The following DPYS variants were observed in gnomAD, a reference collection of about 807,000 sequenced individuals.
DPYS encodes dihydropyrimidine amidohydrolase.
DPYS carries 39 observed loss-of-function variants against 50.3 expected under a neutral mutation model. The observed-to-expected ratio is 0.78, with a 90% CI of 0.60 to 1.01. The LOEUF is 1.01. Among genes scored for constraint, DPYS ranks in the 50% least tolerant of loss-of-function variants. The probability of loss-of-function intolerance (pLI) is 0.00; values close to 1 mark genes in which losing one functional copy is unlikely to be tolerated. For missense variants in DPYS, 659 were observed against 680.9 expected, an observed-to-expected ratio of 0.97 and a Z score of 0.36; for synonymous variants, 245 against 250.7, an observed-to-expected ratio of 0.98 and a Z score of 0.22.
chr8:104,413,088 A>G (rs1261774898), intron 7 of DPYS, among the ~76,000 whole-genome samples: 1 of 152,208 alleles, frequency 6.6e-6, no homozygotes, highest in Non-Finnish European at 1.5e-5. Context: ...TCTCACACAT[A>G]TATACAAAGA....
intron 4 of DPYS, among the ~76,000 whole-genome samples, chr8:104,442,772 T>C (rs931736509): frequency 6.6e-6 from 1 of 152,230 alleles, no homozygotes; most frequent in Non-Finnish European, 1.5e-5. Context: ...ATCAATTATA[T>C]ACATGCCAAA....
At chr8:104,421,626 T>A (rs74534098) in intron 7 of DPYS, 13,603 of 152,250 alleles carry the variant, frequency 0.089, 810 homozygotes, top group Non-Finnish European at 0.12. Flanking sequence ...AAAGCGAGAC[T>A]CCGTCTCAAA....
In DPYS at chr8:104,429,694, C is replaced by T. The variant is rs746595395; in HGVS notation, c.801G>A (p.Val267=). The change falls in exon 5 of 10, where the codon GTG becomes GTA. Residue 267 remains valine (V), a synonymous_variant. Coordinates refer to ENST00000351513, the MANE Select transcript of DPYS (RefSeq NM_001385.3). The part of the protein sequence containing the change: ...VIADARRDGK[V]VYGEPIAASL... ...TGGCTGCTATGGGTTCACCATAGAC[C>T]ACCTTCCCTGGAAAGATTAAAAGAA... 6.2e-7 allele frequency: 1 copy of T among 1,614,100 alleles called. No individual in the cohort carries two copies. Among genetic ancestry groups the T allele is most frequent in the Non-Finnish European group, 8.5e-7 (1 of 1,180,010 alleles).
chr8:104,424,202 A>G, intron 7 of DPYS, 45 bp downstream of exon 7: 1 of 1,613,856 alleles, frequency 6.2e-7, no homozygotes, highest in Non-Finnish European at 8.5e-7. Flanking sequence ...AAGTTAGTGC[A>G]TTTTCTCCAC....
chr8:104,410,796 C>T (rs1296583496), intron 7 of DPYS, among the ~76,000 whole-genome samples: 1 of 152,166 alleles, frequency 6.6e-6, no homozygotes, highest in Non-Finnish European at 1.5e-5. Flanking sequence ...AACTCCTTCC[C>T]ATCCTGACCC....
chr8:104,409,877 G>A (rs1812116601), intron 7 of DPYS, among the ~76,000 whole-genome samples: 1 of 152,222 alleles, frequency 6.6e-6, no homozygotes, highest in Admixed American at 6.5e-5. Context: ...CCTGCAGCCA[G>A]TACTGGCACA....
At chr8:104,414,306 C>A (rs183388286) in intron 7 of DPYS, among the ~76,000 whole-genome samples, 7 of 152,266 alleles carry the variant, frequency 4.6e-5, no homozygotes, top group African/African-American at 7.2e-5. Flanking sequence ...TGACTCTAAA[C>A]CAGTGTTTCT....
Position 104,466,950 on chromosome 8 carries a change from C to A in DPYS, c.-30G>T. The A allele has an allele frequency of 7.1e-7, 1 of 1,401,088 alleles. No homozygotes were observed. The highest frequency in any genetic ancestry group is 1.5e-5 in the South Asian group (1 of 65,024). The allele number at this position is 1,401,088 out of a possible 1,614,324, so 86.8% of individuals were successfully genotyped here. Reference sequence around the variant, plus strand: ...AGGGGCGCGCGGGGTCCTACTCGGCCCGGGCTGCGCGCAGGGGCTGGGTTG... The same window carrying A: ...AGGGGCGCGCGGGGTCCTACTCGGCACGGGCTGCGCGCAGGGGCTGGGTTG... On this transcript the variant is annotated 5_prime_UTR_variant, in exon 1 of 10. Coordinates refer to ENST00000351513, the MANE Select transcript of DPYS (RefSeq NM_001385.3).
chr8:104,453,446 A>C (rs1288712313), intron 1 of DPYS, among the ~76,000 whole-genome samples: 1 of 152,202 alleles, frequency 6.6e-6, no homozygotes, highest in Non-Finnish European at 1.5e-5. Context: ...TTTCTAATAG[A>C]ATCTGCTGTT....
rs962974324 is a variant in DPYS at position 104,379,725 on chromosome 8, C to T, written c.*133G>A. On this transcript the variant is annotated 3_prime_UTR_variant, in exon 10 of 10. Transcript: ENST00000351513. Reference sequence around the variant, plus strand: ...GCTTCTGAAAGAAAATCAAAGAAGCCTATAGTGGTGAATTTTTTCTAAAGG... The same window carrying T: ...GCTTCTGAAAGAAAATCAAAGAAGCTTATAGTGGTGAATTTTTTCTAAAGG... 2 of 453,622 alleles carry T rather than the reference C, an allele frequency of 4.4e-6. No homozygotes were observed. The highest frequency in any genetic ancestry group is 8.9e-6 in the Non-Finnish European group (2 of 225,586). The allele number at this position is 453,622 out of a possible 1,614,324, so 28.1% of individuals were successfully genotyped here. A position where few individuals can be genotyped will look rare whatever the true frequency, so the allele number is the denominator to read the frequency against.
Position 104,413,272 on chromosome 8 carries a change from C to A in DPYS, c.1235+10975G>T, listed in dbSNP as rs182611717. Among the ~76,000 whole-genome samples the A allele has an allele frequency of 2.0e-3, 303 of 151,750 alleles. 2 individuals carry two copies. Among genetic ancestry groups the A allele is most frequent in the African/African-American group, 6.8e-3 (283 of 41,424 alleles). The stretch of plus-strand genomic sequence containing the variant: ...CAATTATAATGTTGAGAAAGTTGCA[C>A]AATACATATAGTACAATTCATATGA... On this transcript the variant is annotated intron_variant, in intron 7 of 9. Coordinates refer to ENST00000351513, the MANE Select transcript of DPYS (RefSeq NM_001385.3).
chr8:104,461,570 C>A lies in DPYS; in HGVS notation c.264+5087G>T, dbSNP rs576229692. Among the ~76,000 whole-genome samples the A allele has an allele frequency of 2.6e-5, 4 of 152,210 alleles. No individual in the cohort carries two copies. In the South Asian group the frequency reaches 8.3e-4, roughly 32 times the overall value. On this transcript the variant is annotated intron_variant, in intron 1 of 9. Transcript: ENST00000351513. Reference sequence around the variant, plus strand: ...AGCATTGCTATATAGTGGATAAACACTGGAGATCACCAAAATGTCCATCAT... The same window carrying A: ...AGCATTGCTATATAGTGGATAAACAATGGAGATCACCAAAATGTCCATCAT...
intron 1 of DPYS, among the ~76,000 whole-genome samples, chr8:104,465,561 G>GT (rs1814342891): frequency 6.6e-6 from 1 of 152,180 alleles, no homozygotes; most frequent in Non-Finnish European, 1.5e-5. Flanking sequence ...AAGCTGCTCT[G>GT]TTAGTCTCTT....
chr8:104,433,062 C>T (rs1034025840), intron 4 of DPYS, among the ~76,000 whole-genome samples: 3 of 152,138 alleles, frequency 2.0e-5, no homozygotes, highest in Admixed American at 6.5e-5. Context: ...GGGAAGATAA[C>T]GTGAAGACAC....
intron 1 of DPYS, among the ~76,000 whole-genome samples, chr8:104,455,858 A>G (rs887600787): frequency 1.3e-5 from 2 of 152,030 alleles, no homozygotes; most frequent in Admixed American, 6.5e-5. Context: ...CTTCAATTTT[A>G]TTTTCAATAT....
intron 7 of DPYS, among the ~76,000 whole-genome samples, chr8:104,421,902 G>A (rs1812561556): frequency 6.6e-6 from 1 of 152,190 alleles, no homozygotes; most frequent in South Asian, 2.1e-4. Context: ...TGAGAAAGTG[G>A]TCTAAATTTA....
intron 7 of DPYS, among the ~76,000 whole-genome samples, chr8:104,400,926 T>C (rs1811777375): frequency 6.6e-6 from 1 of 152,214 alleles, no homozygotes; most frequent in Non-Finnish European, 1.5e-5. Flanking sequence ...AGCCGCGTGC[T>C]CTTACAGATG....
intron 4 of DPYS, among the ~76,000 whole-genome samples, chr8:104,431,650 T>C (rs1433845774): frequency 1.3e-5 from 2 of 152,030 alleles, no homozygotes; most frequent in African/African-American, 4.8e-5. Context: ...AGATTTGGGC[T>C]AAAAATAAAA....
chr8:104,424,912 C>A (rs59899701), intron 6 of DPYS, among the ~76,000 whole-genome samples: 124 of 147,468 alleles, frequency 8.4e-4, no homozygotes, highest in Non-Finnish European at 8.5e-4. Context: ...CTGCAACCTC[C>A]ATCTCCCAGG....
Sources: allele counts gnomAD v4.1 joint callset (sites outside exome capture counted in the v4.1 genomes callset), GRCh38; gene constraint gnomAD v4.1.1; transcripts MANE v1.5; gene names NCBI Gene and HGNC (gene_info 2026-07-23, HGNC 2026-07-21).